IL1A: variants seen among roughly 807,000 people sequenced by gnomAD.
The protein encoded by IL1A is interleukin 1 alpha.
A neutral mutation model predicts 22.2 loss-of-function variants in IL1A; 16 were observed. The ratio of observed to expected loss-of-function variants is 0.72; its 90% CI spans 0.49 to 1.09. The LOEUF is 1.09. Among genes scored for constraint, IL1A ranks in the 50% least tolerant of loss-of-function variants. The pLI is 0.00. For synonymous variants in IL1A, 113 were observed against 118.5 expected, an observed-to-expected ratio of 0.95 and a Z score of 0.30; for missense variants, 317 against 321.8, an observed-to-expected ratio of 0.99 and a Z score of 0.11.
chr2:112,774,478 C>T lies in IL1A; in HGVS notation c.*589G>A, dbSNP rs1681061821. 1 of 151,546 alleles carries T rather than the reference C, an allele frequency of 6.6e-6. No individual in the cohort carries two copies. The highest frequency in any genetic ancestry group is 1.5e-5 in the Non-Finnish European group (1 of 67,888). The allele number at this position is 151,546 out of a possible 1,614,324, so 9.4% of individuals were successfully genotyped here. A position where few individuals can be genotyped will look rare whatever the true frequency, so the allele number is the denominator to read the frequency against. ...AATAATTAAAAAATAACATTTCGTG[C>T]TTTGCCTTCATCTTGAGGCTCGGCT... On this transcript the variant is annotated 3_prime_UTR_variant, in exon 7 of 7. Coordinates refer to ENST00000263339, the MANE Select transcript of IL1A (RefSeq NM_000575.5).
Position 112,775,259 on chromosome 2 carries a change from A to G in IL1A, c.624T>C (p.Pro208=). The change falls in exon 7 of 7, where the codon CCT becomes CCC. Residue 208 remains proline, a synonymous_variant. Transcript: ENST00000263339. ...EDQPVLLKEM[P]EIPKTITGSE... ...TACCTGTGATGGTTTTGGGTATCTC[A>G]GGCATCTCCTATGAAGAAAAGAAGA... The G allele has an allele frequency of 1.2e-6, 2 of 1,613,348 alleles. No homozygotes were observed. Among genetic ancestry groups the G allele is most frequent in the Non-Finnish European group, 1.7e-6 (2 of 1,179,250 alleles).
intron 6 of IL1A, among the ~76,000 whole-genome samples, chr2:112,777,501 G>A (rs1359841555): frequency 6.6e-6 from 1 of 152,188 alleles, no homozygotes; most frequent in Non-Finnish European, 1.5e-5. Context: ...CTGGGACGAA[G>A]GATAATGCTG....
At chr2:112,778,603 C>T (rs1681142046) in intron 5 of IL1A, among the ~76,000 whole-genome samples, 2 of 152,104 alleles carry the variant, frequency 1.3e-5, no homozygotes. Context: ...AGGCATTCCT[C>T]TTTGGGATGT....
chr2:112,781,042 A>G (rs1681189395), intron 4 of IL1A, among the ~76,000 whole-genome samples: 1 of 152,104 alleles, frequency 6.6e-6, no homozygotes, highest in East Asian at 1.9e-4. Flanking sequence ...TAAAATAATA[A>G]TAATAATGAT....
chr2:112,777,274 C>T (rs1249030402), intron 6 of IL1A, among the ~76,000 whole-genome samples: 1 of 152,176 alleles, frequency 6.6e-6, no homozygotes, highest in Admixed American at 6.5e-5. Context: ...GTGAATAATG[C>T]TTGTTGAATG....
At chr2:112,782,184 T>A (rs1024846479) in intron 3 of IL1A, among the ~76,000 whole-genome samples, 1 of 152,238 alleles carries the variant, frequency 6.6e-6, no homozygotes, top group African/African-American at 2.4e-5. Context: ...GAAATACTCC[T>A]TTGGGGACAG....
In IL1A at chr2:112,774,971, C is replaced by G. The variant is rs1258854379; in HGVS notation, c.*96G>C. The G allele has an allele frequency of 2.2e-6, 2 of 916,754 alleles. No homozygotes were observed. The highest frequency in any genetic ancestry group is 5.0e-5 in the East Asian group (2 of 39,758). The allele number at this position is 916,754 out of a possible 1,614,324, so 56.8% of individuals were successfully genotyped here. The stretch of plus-strand genomic sequence containing the variant: ...AGAATTACAAGGCTCAGTACATGCT[C>G]AGCAAATGACTAACAGTAAAGGATT... On this transcript the variant is annotated 3_prime_UTR_variant, in exon 7 of 7. Transcript: ENST00000263339.
chr2:112,782,235 T>C (rs1681222173), intron 3 of IL1A, among the ~76,000 whole-genome samples: 3 of 152,364 alleles, frequency 2.0e-5, no homozygotes, highest in Admixed American at 1.3e-4. Context: ...GCAGTACTTA[T>C]AGTGTCTATT....
At chr2:112,775,383 A>G (rs1006315696) in intron 6 of IL1A, 116 bp from the exon 7 acceptor site, 8 of 718,428 alleles carry the variant, frequency 1.1e-5, no homozygotes, top group Non-Finnish European at 2.0e-5. Flanking sequence ...TATGGCTGTA[A>G]CATGATGCTA....
chr2:112,781,734 G>C lies in IL1A; in HGVS notation c.189C>G (p.Ser63=). 6.2e-7 allele frequency: 1 copy of C among 1,614,080 alleles called. No homozygotes were observed. Among genetic ancestry groups the C allele is most frequent in the Non-Finnish European group, 8.5e-7 (1 of 1,179,948 alleles). The part of the protein sequence containing the change: ...SLSISETSKT[S]KLTFKESMVV... ...CCATGCTCTCCTTGAAGGTAAGCTT[G>C]GATGTTTTAGAGGTTTCAGAGATAC... Residue 63 remains serine, a synonymous_variant, in exon 4 of 7, where the codon TCC becomes TCG. Coordinates refer to ENST00000263339, the MANE Select transcript of IL1A (RefSeq NM_000575.5).
At chr2:112,784,178 A>G (rs1681261453) in intron 1 of IL1A, among the ~76,000 whole-genome samples, 1 of 152,222 alleles carries the variant, frequency 6.6e-6, no homozygotes, top group Admixed American at 6.5e-5. Flanking sequence ...ATTCCCTCCC[A>G]TGAGAAGCCT....
In IL1A at chr2:112,774,918, C is replaced by G. The variant is rs1040731281; in HGVS notation, c.*149G>C. On this transcript the variant is annotated 3_prime_UTR_variant, in exon 7 of 7. Transcript: ENST00000263339. ...ACATTATATGTTAGTGTTGGTTCCA[C>G]TCTTACAAAGAGTGTAAACATTCAT... 3.2e-6 allele frequency: 2 copies of G among 626,700 alleles called. No homozygotes were observed. Among genetic ancestry groups the G allele is most frequent in the African/African-American group, 1.8e-5 (1 of 54,308 alleles). 38.8% of individuals were successfully genotyped at this position (626,700 alleles called of 1,614,324 possible).
chr2:112,775,210 A>G lies in IL1A; in HGVS notation c.673T>C (p.Trp225Arg), dbSNP rs938378887. 6.2e-7 allele frequency: 1 copy of G among 1,614,124 alleles called. No individual in the cohort carries two copies. Among genetic ancestry groups the G allele is most frequent in the African/African-American group, 1.3e-5 (1 of 74,936 alleles). The change falls in exon 7 of 7, where the codon TGG becomes CGG. Residue 225 changes from tryptophan (W) to arginine (R), a missense_variant. Coordinates refer to ENST00000263339, the MANE Select transcript of IL1A (RefSeq NM_000575.5). ...TGSETNLLFFWETHGTKNYFT... is the reference protein window; with the variant it reads ...TGSETNLLFFRETHGTKNYFT... ...TAGTTCTTAGTGCCGTGAGTTTCCC[A>G]GAAGAAGAGGAGGTTGGTCTCACTA...
chr2:112,775,924 C>A (rs1035296796), intron 6 of IL1A, among the ~76,000 whole-genome samples: 3 of 152,234 alleles, frequency 2.0e-5, no homozygotes, highest in African/African-American at 7.2e-5. Flanking sequence ...CTTTCCTATT[C>A]TTTTAAATCT....
intron 3 of IL1A, 138 bp downstream of exon 3, chr2:112,782,578 T>A: frequency 1.5e-6 from 1 of 647,834 alleles, no homozygotes; most frequent in Non-Finnish European, 2.8e-6. Context: ...GTCTCACTTA[T>A]AATGAAAGAC....
At chr2:112,783,629 G>C (rs927994923) in intron 2 of IL1A, 95 bp downstream of exon 2, 2 of 1,012,782 alleles carry the variant, frequency 2.0e-6, no homozygotes, top group Non-Finnish European at 3.2e-6. Flanking sequence ...AACCTCTGCC[G>C]GCCTGCCCCC....
At chr2:112,779,338 T>G in intron 5 of IL1A, among the ~76,000 whole-genome samples, 158 bp downstream of exon 5, 1 of 151,896 alleles carries the variant, frequency 6.6e-6, no homozygotes, top group Admixed American at 6.6e-5. Flanking sequence ...GGCTTGGGAT[T>G]TTTATGGGGG....
intron 3 of IL1A, among the ~76,000 whole-genome samples, chr2:112,782,326 A>G (rs914215655): frequency 6.6e-6 from 1 of 152,204 alleles, no homozygotes; most frequent in African/African-American, 2.4e-5. Flanking sequence ...CCTCTCTCTC[A>G]GCTTCATGTT....
At chr2:112,775,316 A>G in intron 6 of IL1A, 49 bp from the exon 7 acceptor site, 5 of 1,468,606 alleles carry the variant, frequency 3.4e-6, no homozygotes, top group Non-Finnish European at 4.8e-6. Flanking sequence ...TGGTAGAAAA[A>G]GGACTGAAGC....
Sources: gnomAD v4.1 joint callset for allele counts (sites outside exome capture counted in the v4.1 genomes callset) on GRCh38, gnomAD v4.1.1 for gene constraint, MANE v1.5 for transcripts, NCBI Gene and HGNC (gene_info 2026-07-23, HGNC 2026-07-21) for gene names.